The following HECW1 variants were observed in gnomAD, a reference collection of about 807,000 sequenced individuals.
The protein encoded by HECW1 is E3 ubiquitin-protein ligase HECW1.
A neutral mutation model predicts 182.3 loss-of-function variants in HECW1; 61 were observed. The ratio of observed to expected loss-of-function variants is 0.33; its 90% CI spans 0.27 to 0.41. The LOEUF (loss-of-function observed/expected upper bound fraction) is 0.41. Among genes scored for constraint, HECW1 ranks in the 10% least tolerant of loss-of-function variants. The pLI is 1.00. For missense variants in HECW1, 1,739 were observed against 2,108.9 expected (o/e 0.82, Z 3.44); for synonymous variants, 859 against 832.6 (o/e 1.03, Z -0.55).
At chr7:43,416,582 G>A (rs1464265296) in intron 8 of HECW1, among the ~76,000 whole-genome samples, 2 of 151,832 alleles carry the variant, frequency 1.3e-5, no homozygotes, top group African/African-American at 4.8e-5. Context: ...AGGCTGCTTT[G>A]TTTACCTAAG....
intron 5 of HECW1, among the ~76,000 whole-genome samples, chr7:43,325,433 C>G (rs910761512): frequency 6.6e-6 from 1 of 152,076 alleles, no homozygotes; most frequent in Non-Finnish European, 1.5e-5. Flanking sequence ...TTGGATTGCC[C>G]CAGAACACTG....
At chr7:43,539,761 A>G (rs780497164) in intron 24 of HECW1, among the ~76,000 whole-genome samples, 36 of 152,040 alleles carry the variant, frequency 2.4e-4, no homozygotes, top group Non-Finnish European at 5.0e-4. Flanking sequence ...CCACAACCCT[A>G]CTATCATGTT....
chr7:43,254,468 C>G (rs976967208), intron 3 of HECW1, among the ~76,000 whole-genome samples: 2 of 152,218 alleles, frequency 1.3e-5, no homozygotes, highest in Admixed American at 6.5e-5. Flanking sequence ...CCCAGCCCTC[C>G]TGGAAATATC....
intron 29 of HECW1, among the ~76,000 whole-genome samples, chr7:43,557,522 G>GTCACTGGAGTTCTC (rs2082069547): frequency 6.6e-6 from 1 of 152,280 alleles, no homozygotes; most frequent in East Asian, 1.9e-4. Flanking sequence ...AGGCAGGACT[G>GTCACTGGAGTTCTC]TCACTGGAGT....
intron 2 of HECW1, among the ~76,000 whole-genome samples, chr7:43,236,106 A>G (rs1798308758): frequency 6.6e-6 from 1 of 152,158 alleles, no homozygotes; most frequent in Non-Finnish European, 1.5e-5. Flanking sequence ...TACAGTAAAT[A>G]TGTTTATATG....
chr7:43,451,080 G>C, intron 12 of HECW1, 151 bp downstream of exon 12: 1 of 606,816 alleles, frequency 1.6e-6, no homozygotes, highest in South Asian at 2.1e-5. Flanking sequence ...TCTAAAAACT[G>C]GTGGTTTTTT....
intron 2 of HECW1, chr7:43,207,613 C>G (rs1795607791): frequency 6.6e-6 from 1 of 152,058 alleles, no homozygotes; most frequent in Non-Finnish European, 1.5e-5. Flanking sequence ...TTCAACATAC[C>G]TCTCCCTATC....
chr7:43,122,177 A>G (rs905187053), intron 2 of HECW1, among the ~76,000 whole-genome samples: 1 of 152,212 alleles, frequency 6.6e-6, no homozygotes, highest in African/African-American at 2.4e-5. Context: ...CCCTTGTTCT[A>G]TAAATGAGCA....
Position 43,466,500 on chromosome 7 carries a change from C to G in HECW1, c.2845C>G (p.Leu949Val), listed in dbSNP as rs2077785408. The G allele has an allele frequency of 1.9e-6, 3 of 1,613,832 alleles. No individual in the cohort carries two copies. Among genetic ancestry groups the G allele is most frequent in the Non-Finnish European group, 2.5e-6 (3 of 1,179,772 alleles). The change falls in exon 15 of 30, where the codon CTG becomes GTG. Residue 949 changes from leucine (L) to valine (V), a missense_variant. Leu to Val is a conservative substitution (Grantham distance 32). Around this residue, in one of 5 missense-constraint regions of HECW1, gnomAD observed 971 missense variants for 1,029.1 expected, o/e 0.94. Coordinates refer to ENST00000395891, the MANE Select transcript of HECW1 (RefSeq NM_015052.5). ...AGTGAACTCACAAAAAATCACCTTG[C>G]TGCTGCAGTCCCCAGCGGTCAAGTT... is the stretch of plus-strand genomic sequence containing the variant. ...SPVNSQKITL[L>V]LQSPAVKFIT...
chr7:43,353,475 C>T (rs569195080), intron 5 of HECW1, among the ~76,000 whole-genome samples: 56 of 152,174 alleles, frequency 3.7e-4, no homozygotes, highest in African/African-American at 1.0e-3. Context: ...CACTTCCCCC[C>T]ACAGAAAATT....
At chr7:43,356,028 CA>C (rs1312057968) in intron 5 of HECW1, among the ~76,000 whole-genome samples, 1 of 151,874 alleles carries the variant, frequency 6.6e-6, no homozygotes, top group African/African-American at 2.4e-5. Flanking sequence ...AAACAAGCAA[CA>C]AAATGGCAGT....
At chr7:43,241,476 T>C (rs1218587583) in intron 2 of HECW1, 2 of 152,154 alleles carry the variant, frequency 1.3e-5, no homozygotes, top group African/African-American at 4.8e-5. Context: ...GTTAAACAAT[T>C]AGTAAACTGT....
intron 24 of HECW1, among the ~76,000 whole-genome samples, chr7:43,513,879 T>C (rs923755797): frequency 9.9e-5 from 15 of 152,176 alleles, no homozygotes; most frequent in African/African-American, 3.6e-4. Flanking sequence ...TCAGAAGAGC[T>C]CTTTCAAAGC....
chr7:43,504,002 A>G (rs562590851), intron 21 of HECW1, among the ~76,000 whole-genome samples: 1 of 152,170 alleles, frequency 6.6e-6, no homozygotes, highest in Admixed American at 6.5e-5. Flanking sequence ...TTTGGGGCCC[A>G]GGTAGGCGGG....
chr7:43,307,291 G>A (rs2152767806), intron 3 of HECW1, among the ~76,000 whole-genome samples: 2 of 152,226 alleles, frequency 1.3e-5, no homozygotes, highest in Middle Eastern at 3.4e-3. Context: ...TGATATTCTT[G>A]TGGTCCTCCT....
At chr7:43,361,554 G>A (rs1478433947) in intron 6 of HECW1, among the ~76,000 whole-genome samples, 2 of 152,084 alleles carry the variant, frequency 1.3e-5, no homozygotes, top group Non-Finnish European at 2.9e-5. Flanking sequence ...GCAGATCCAG[G>A]ATTTAAGTCA....
chr7:43,309,648 A>G (rs1197395384), intron 3 of HECW1, among the ~76,000 whole-genome samples: 1 of 152,220 alleles, frequency 6.6e-6, no homozygotes, highest in East Asian at 1.9e-4. Context: ...CGTAAACCTT[A>G]CAAATAAAGG....
intron 4 of HECW1, among the ~76,000 whole-genome samples, chr7:43,316,186 A>C (rs1809218930): frequency 6.6e-6 from 1 of 152,130 alleles, no homozygotes; most frequent in Non-Finnish European, 1.5e-5. Flanking sequence ...TCCTTTCTCT[A>C]TTATAAACTG....
chr7:43,487,506 T>C (rs1176916607), intron 17 of HECW1, among the ~76,000 whole-genome samples: 2 of 152,208 alleles, frequency 1.3e-5, no homozygotes, highest in African/African-American at 4.8e-5. Flanking sequence ...CCAAGGGCTC[T>C]CTCTCCCCTC....
Sources: gnomAD v4.1 joint callset for allele counts (sites outside exome capture counted in the v4.1 genomes callset) on GRCh38, gnomAD v4.1.1 for gene constraint, gnomAD v4.1.1 regional missense constraint, MANE v1.5 for transcripts, NCBI Gene and HGNC (gene_info 2026-07-23, HGNC 2026-07-21) for gene names.